Variants in STK38 observed in about 807,000 individuals in gnomAD.
STK38 encodes the protein serine/threonine-protein kinase 38.
In STK38, 26 loss-of-function variants were observed where a neutral mutation model predicts 59.0. That is an observed-to-expected ratio of 0.44 (90% CI 0.32 to 0.61). STK38 has a LOEUF of 0.61. STK38 is among the 20% of genes least tolerant of loss of function. The pLI, the probability that STK38 is intolerant of heterozygous loss-of-function variation, is 0.04. For missense variants in STK38, 433 were observed against 566.0 expected, an observed-to-expected ratio of 0.76 and a Z score of 2.38; for synonymous variants, 175 against 176.6, an observed-to-expected ratio of 0.99 and a Z score of 0.07.
Position 36,547,411 on chromosome 6 carries a change from G to T in STK38, c.-227C>A, listed in dbSNP as rs111250330. On this transcript the variant is annotated 5_prime_UTR_variant, in exon 1 of 14. Coordinates refer to ENST00000229812, the MANE Select transcript of STK38 (RefSeq NM_007271.4). ...GCCGGAAAAGACGCGAGCGCTGAGG[G>T]GCCAAGGCAGCCCGGTCCCCCGCCG... 1.2e-4 allele frequency: 19 copies of T among 152,314 alleles called. No homozygotes were observed. The highest frequency in any genetic ancestry group is 1.7e-4 in the African/African-American group (7 of 41,460). 9.4% of individuals were successfully genotyped at this position (152,314 alleles called of 1,614,324 possible).
intron 2 of STK38, among the ~76,000 whole-genome samples, chr6:36,529,971 T>C (rs1335114490): frequency 6.6e-6 from 1 of 152,130 alleles, no homozygotes; most frequent in Non-Finnish European, 1.5e-5. Flanking sequence ...CCAGGCATGG[T>C]GGCTCACACC....
intron 2 of STK38, among the ~76,000 whole-genome samples, chr6:36,536,482 C>T (rs1054109244): frequency 6.6e-6 from 1 of 152,070 alleles, no homozygotes; most frequent in Non-Finnish European, 1.5e-5. Context: ...GCCTGGTCAA[C>T]ATAGCAAGAC....
At chr6:36,503,963 T>G (rs1776901110) in intron 9 of STK38, among the ~76,000 whole-genome samples, 1 of 152,288 alleles carries the variant, frequency 6.6e-6, no homozygotes, top group Admixed American at 6.5e-5. Context: ...AACTCCAACC[T>G]CGTAAATCTG....
rs1487813410 is a variant in STK38 at position 36,498,400 on chromosome 6, C to A, written c.1039G>T (p.Val347Phe). Residue 347 changes from valine (V) to phenylalanine (F), a missense_variant, in exon 11 of 14, where the codon GTT becomes TTT. Coordinates refer to ENST00000229812, the MANE Select transcript of STK38 (RefSeq NM_007271.4). ...TCCTTGGCTTTCTCAGAGATGGGAA[C>A]TTCTGGAGGAAAAGTCAAAGTTTCT... ...WKETLTFPPEVPISEKAKDLI... is the reference protein window; with the variant it reads ...WKETLTFPPEFPISEKAKDLI... 6.2e-7 allele frequency: 1 copy of A among 1,613,832 alleles called. No individual in the cohort carries two copies. Among genetic ancestry groups the A allele is most frequent in the Non-Finnish European group, 8.5e-7 (1 of 1,179,974 alleles).
At chr6:36,534,826 T>C (rs1160911906) in intron 2 of STK38, among the ~76,000 whole-genome samples, 1 of 144,530 alleles carries the variant, frequency 6.9e-6, no homozygotes, top group Non-Finnish European at 1.5e-5. Context: ...TCCCAGCTAG[T>C]GCACTAAGGC....
At chr6:36,533,611 T>G (rs1777721575) in intron 2 of STK38, among the ~76,000 whole-genome samples, 1 of 152,206 alleles carries the variant, frequency 6.6e-6, no homozygotes, top group Admixed American at 6.6e-5. Flanking sequence ...TATCATTTAT[T>G]AATAATGTAA....
At chr6:36,498,659 T>C (rs1042449002) in intron 10 of STK38, among the ~76,000 whole-genome samples, 173 bp from the exon 11 acceptor site, 1 of 150,752 alleles carries the variant, frequency 6.6e-6, no homozygotes, top group Non-Finnish European at 1.5e-5. Context: ...ACAATCATGG[T>C]TCACTGCAGC....
In STK38 at chr6:36,506,617, T is replaced by C. The variant is rs56105564; in HGVS notation, c.800A>G (p.Lys267Arg). 33 of 1,613,538 alleles carry C rather than the reference T, an allele frequency of 2.0e-5. No individual in the cohort carries two copies. Among genetic ancestry groups the C allele is most frequent in the Non-Finnish European group, 2.8e-5 (33 of 1,179,852 alleles). ...TCTATTTCTTTTCCAGGTTTCTGCT[T>C]TCCTTTTGGAATTCATGTTCTGGAA... ...FTFQNMNSKR[K>R]AETWKRNRRQ... The change falls in exon 9 of 14, where the codon AAA becomes AGA. Residue 267 changes from lysine (K) to arginine (R), a missense_variant. By Grantham distance (26) the Lys-to-Arg change is conservative. Coordinates refer to ENST00000229812, the MANE Select transcript of STK38 (RefSeq NM_007271.4).
chr6:36,527,253 C>G (rs1582446858), intron 2 of STK38, among the ~76,000 whole-genome samples: 1 of 138,320 alleles, frequency 7.2e-6, no homozygotes, highest in South Asian at 2.2e-4. Flanking sequence ...CACATGTATA[C>G]ATATGTATAT....
intron 10 of STK38, 39 bp from the exon 11 acceptor site, chr6:36,498,525 G>T (rs1776760555): frequency 6.3e-7 from 1 of 1,579,920 alleles, no homozygotes; most frequent in Admixed American, 1.9e-5. Flanking sequence ...TTACACTCCA[G>T]AACTTTGAAT....
At chr6:36,529,484 G>A (rs1223262185) in intron 2 of STK38, among the ~76,000 whole-genome samples, 2 of 152,258 alleles carry the variant, frequency 1.3e-5, no homozygotes, top group East Asian at 3.9e-4. Flanking sequence ...GCCCTTGGTG[G>A]AGCCACTCTT....
At chr6:36,525,887 T>C (rs1777498780) in intron 2 of STK38, among the ~76,000 whole-genome samples, 1 of 152,122 alleles carries the variant, frequency 6.6e-6, no homozygotes, top group African/African-American at 2.4e-5. Flanking sequence ...AGAGTTTTGT[T>C]CTGTCACCCA....
chr6:36,510,602 C>A (rs1777085821), intron 7 of STK38, among the ~76,000 whole-genome samples: 1 of 152,236 alleles, frequency 6.6e-6, no homozygotes, highest in Non-Finnish European at 1.5e-5. Context: ...CCAGCAGAGG[C>A]TCCAGACAGG....
intron 9 of STK38, among the ~76,000 whole-genome samples, chr6:36,500,985 T>A (rs1233345902): frequency 6.6e-6 from 1 of 150,882 alleles, no homozygotes; most frequent in African/African-American, 2.4e-5. Flanking sequence ...GAAATGGGGG[T>A]CTCCCTTTGT....
intron 2 of STK38, among the ~76,000 whole-genome samples, chr6:36,539,736 T>C (rs543423344): frequency 1.7e-4 from 24 of 142,986 alleles, no homozygotes; most frequent in African/African-American, 6.2e-4. Context: ...ACTCCTTGGA[T>C]TGGGCCTAAT....
intron 2 of STK38, among the ~76,000 whole-genome samples, chr6:36,528,108 C>CA (rs879777510): frequency 1.8e-3 from 239 of 132,382 alleles, no homozygotes; most frequent in Middle Eastern, 0.015. Context: ...GACTCCATCT[C>CA]AAAAAAAAAA....
intron 7 of STK38, among the ~76,000 whole-genome samples, chr6:36,510,377 T>G (rs902057076): frequency 2.0e-5 from 3 of 152,258 alleles, no homozygotes; most frequent in African/African-American, 7.2e-5. Flanking sequence ...AACTTTGCTC[T>G]GAAATTGGAG....
intron 2 of STK38, among the ~76,000 whole-genome samples, chr6:36,527,207 A>AAAAAATATATATATATATATATATATAT (rs60162863): frequency 8.4e-6 from 1 of 119,356 alleles, no homozygotes; most frequent in African/African-American, 3.5e-5. Flanking sequence ...AAAAAAAAAA[A>AAAAAATATATATATATATATATATATAT]ATATATGTAT....
chr6:36,542,225 A>C (rs1777955464), intron 1 of STK38, among the ~76,000 whole-genome samples: 1 of 152,222 alleles, frequency 6.6e-6, no homozygotes, highest in Non-Finnish European at 1.5e-5. Flanking sequence ...CTATGATTAA[A>C]AATGGTAATC....
Sources: allele counts gnomAD v4.1 joint callset (sites outside exome capture counted in the v4.1 genomes callset), GRCh38; gene constraint gnomAD v4.1.1; transcripts MANE v1.5; gene names NCBI Gene and HGNC (gene_info 2026-07-23, HGNC 2026-07-21).